The following REV3L variants were observed in gnomAD, a reference collection of about 807,000 sequenced individuals.
REV3L encodes DNA polymerase zeta catalytic subunit.
In REV3L, 69 loss-of-function variants were observed where a neutral mutation model predicts 299.4. The ratio of observed to expected loss-of-function variants is 0.23; its 90% confidence interval spans 0.19 to 0.28. The LOEUF (loss-of-function observed/expected upper bound fraction) is 0.28, where lower values mean the gene tolerates loss of function less well. Among genes scored for constraint, REV3L ranks in the 10% least tolerant of loss-of-function variants. REV3L has a pLI of 1.00. For synonymous variants in REV3L, 1,238 were observed against 1,271.4 expected (o/e 0.97, Z 0.56); for missense variants, 3,128 against 3,693.8 (o/e 0.85, Z 3.97).
chr6:111,331,895 A>G lies in REV3L; in HGVS notation c.7926-111T>C, dbSNP rs17072577. The G allele has an allele frequency of 1.0e-3, 722 of 709,718 alleles. 4 individuals are homozygous for G. In the African/African-American group the frequency reaches 0.012, roughly 12 times the overall value. 44.0% of individuals were successfully genotyped at this position (709,718 alleles called of 1,614,324 possible). A position where few individuals can be genotyped will look rare whatever the true frequency, so the allele number is the denominator to read the frequency against. On this transcript the variant is annotated intron_variant, in intron 23 of 31. Coordinates refer to ENST00000368802, the MANE Select transcript of REV3L (RefSeq NM_001372078.1). ...ATTAGAAATTCATTTTCAAACATCT[A>G]AACAAGAATTCATGTACTTAGTAAT...
chr6:111,436,447 A>G (rs1280665503), intron 1 of REV3L, among the ~76,000 whole-genome samples: 1 of 152,246 alleles, frequency 6.6e-6, no homozygotes, highest in African/African-American at 2.4e-5. Flanking sequence ...TTATTCAGCC[A>G]TATAAAAAAA....
At chr6:111,472,273 C>A in intron 1 of REV3L, 1 of 328,768 alleles carries the variant, frequency 3.0e-6, no homozygotes, top group East Asian at 1.2e-4. Context: ...CCATCTCAAA[C>A]AAAACCTAAT....
At chr6:111,447,311 T>A (rs1157305186) in intron 1 of REV3L, among the ~76,000 whole-genome samples, 1 of 152,168 alleles carries the variant, frequency 6.6e-6, no homozygotes, top group African/African-American at 2.4e-5. Flanking sequence ...ACTCCAACTT[T>A]CAAATGCTTG....
At chr6:111,329,827 A>C in intron 24 of REV3L, 89 bp from the exon 25 acceptor site, 4 of 949,638 alleles carry the variant, frequency 4.2e-6, no homozygotes, top group Non-Finnish European at 6.4e-6. Flanking sequence ...ATAATGGCCA[A>C]CTGTCAGGAA....
chr6:111,342,852 T>C (rs1248510709), intron 21 of REV3L, among the ~76,000 whole-genome samples: 1 of 152,130 alleles, frequency 6.6e-6, no homozygotes, highest in African/African-American at 2.4e-5. Flanking sequence ...AACTGTTGAC[T>C]TCTCATCAGC....
chr6:111,422,613 C>CACATATATATATATAT lies in REV3L; in HGVS notation c.140-6157_140-6142dup, dbSNP rs1785566987. On this transcript the variant is annotated intron_variant, in intron 1 of 31. Coordinates refer to ENST00000368802, the MANE Select transcript of REV3L (RefSeq NM_001372078.1). The stretch of plus-strand genomic sequence containing the variant: ...ATATATACACATATATATATATATA[C>CACATATATATATATAT]ACATATATATATATATACACATATA... 9.7e-4 allele frequency among the ~76,000 whole-genome samples: 7 copies of CACATATATATATATAT among 7,186 alleles called. 2 individuals are homozygous for CACATATATATATATAT. Among genetic ancestry groups the CACATATATATATATAT allele is most frequent in the East Asian group, 9.2e-3 (5 of 542 alleles). The allele number at this position is 7,186 out of a possible 152,430, so 4.7% of individuals were successfully genotyped here.
At chr6:111,472,235 ATTC>A in intron 1 of REV3L, 1 of 602,568 alleles carries the variant, frequency 1.7e-6, no homozygotes, top group Non-Finnish European at 2.3e-6. Flanking sequence ...ATCAACATGT[ATTC>A]TTATTTACAA....
chr6:111,469,532 C>A (rs1248118390), intron 1 of REV3L, among the ~76,000 whole-genome samples: 2 of 152,192 alleles, frequency 1.3e-5, no homozygotes, highest in African/African-American at 4.8e-5. Flanking sequence ...GGAAACCCCT[C>A]CCATACCAAC....
At chr6:111,435,907 T>C (rs955318264) in intron 1 of REV3L, among the ~76,000 whole-genome samples, 1 of 152,212 alleles carries the variant, frequency 6.6e-6, no homozygotes, top group African/African-American at 2.4e-5. Flanking sequence ...ACGCTACTCA[T>C]CTAACATGGG....
chr6:111,322,444 G>C (rs1266413858), intron 26 of REV3L, 125 bp downstream of exon 26: 1 of 699,938 alleles, frequency 1.4e-6, no homozygotes, highest in Non-Finnish European at 2.5e-6. Context: ...TCATGAGATC[G>C]TAAGGACTGG....
intron 9 of REV3L, among the ~76,000 whole-genome samples, chr6:111,385,571 T>C (rs544867483): frequency 6.6e-6 from 1 of 152,110 alleles, no homozygotes; most frequent in South Asian, 2.1e-4. Flanking sequence ...CATAAAGGAA[T>C]ATTGGTAAAC....
rs746982782 is a variant in REV3L at position 111,365,409 on chromosome 6, C to A, written c.6674-65G>T. The A allele has an allele frequency of 1.6e-3, 1,499 of 909,456 alleles. 5 individuals are homozygous for A. The highest frequency in any genetic ancestry group is 2.2e-3 in the Non-Finnish European group (1,372 of 611,612). The allele number at this position is 909,456 out of a possible 1,614,324, so 56.3% of individuals were successfully genotyped here. A position where few individuals can be genotyped will look rare whatever the true frequency, so the allele number is the denominator to read the frequency against. On this transcript the variant is annotated intron_variant, in intron 14 of 31. Coordinates refer to ENST00000368802, the MANE Select transcript of REV3L (RefSeq NM_001372078.1). ...TTACCTGCTTCTGGTTTTTAAAAAACCTTTTGTTGTTCCAAACACTTAAGT... is the reference window on the plus strand; with the variant it reads ...TTACCTGCTTCTGGTTTTTAAAAAAACTTTTGTTGTTCCAAACACTTAAGT...
At chr6:111,438,504 T>TAAAAAAAAAA (rs757079895) in intron 1 of REV3L, among the ~76,000 whole-genome samples, 1 of 122,884 alleles carries the variant, frequency 8.1e-6, no homozygotes, top group Non-Finnish European at 1.8e-5. Context: ...ATATTAAGAT[T>TAAAAAAAAAA]AAAAAAAAAA....
At chr6:111,398,188 G>C (rs1184995672) in intron 4 of REV3L, among the ~76,000 whole-genome samples, 2 of 151,846 alleles carry the variant, frequency 1.3e-5, no homozygotes, top group Non-Finnish European at 2.9e-5. Context: ...CATCTTTTCA[G>C]CACTCTACAT....
chr6:111,342,465 G>A (rs1319623552), intron 21 of REV3L, among the ~76,000 whole-genome samples: 3 of 151,980 alleles, frequency 2.0e-5, no homozygotes, highest in Non-Finnish European at 4.4e-5. Context: ...TCAGGAGATC[G>A]AGCCCATCCT....
At chr6:111,380,538 C>T (rs1780730107) in intron 10 of REV3L, among the ~76,000 whole-genome samples, 2 of 152,140 alleles carry the variant, frequency 1.3e-5, no homozygotes, top group Non-Finnish European at 2.9e-5. Context: ...GGATTACAGG[C>T]GTGAGCCACC....
intron 1 of REV3L, among the ~76,000 whole-genome samples, chr6:111,426,611 C>A (rs1317811445): frequency 6.6e-6 from 1 of 152,162 alleles, no homozygotes; most frequent in Admixed American, 6.5e-5. Context: ...CCAAACTGAA[C>A]AACAGTAGTT....
chr6:111,395,571 T>C (rs1261378047), intron 4 of REV3L, among the ~76,000 whole-genome samples: 1 of 152,238 alleles, frequency 6.6e-6, no homozygotes, highest in Non-Finnish European at 1.5e-5. Context: ...TCTGCAACTT[T>C]ACTAAATTTA....
At chr6:111,473,918 T>G (rs1792568818) in intron 1 of REV3L, among the ~76,000 whole-genome samples, 2 of 152,114 alleles carry the variant, frequency 1.3e-5, no homozygotes, top group Non-Finnish European at 1.5e-5. Context: ...TCAGTTTTCT[T>G]CATACAAAAT....
Sources: gnomAD v4.1 joint callset for allele counts (sites outside exome capture counted in the v4.1 genomes callset) on GRCh38, gnomAD v4.1.1 for gene constraint, MANE v1.5 for transcripts, NCBI Gene and HGNC (gene_info 2026-07-23, HGNC 2026-07-21) for gene names.